The following DYDC2 variants were observed in gnomAD, a reference collection of about 807,000 sequenced individuals.
The protein encoded by DYDC2 is DPY30 domain containing 2, also known as DPY30 domain-containing protein 2.
A neutral mutation model predicts 18.7 loss-of-function variants in DYDC2; 19 were observed. The ratio of observed to expected loss-of-function variants is 1.02; its 90% CI spans 0.71 to 1.49. The LOEUF (loss-of-function observed/expected upper bound fraction) is 1.49. DYDC2 is among the 40% of genes most tolerant of loss of function. The probability of loss-of-function intolerance (pLI) is 0.00; values close to 1 mark genes in which losing one functional copy is unlikely to be tolerated. For synonymous variants in DYDC2, 63 were observed against 67.6 expected (o/e 0.93, Z 0.34); for missense variants, 179 against 205.1 (o/e 0.87, Z 0.78).
In DYDC2 at chr10:80,362,860, C is replaced by G. The variant is rs559441378; in HGVS notation, c.148-91C>G. The G allele has an allele frequency of 2.5e-5, 38 of 1,495,512 alleles. No homozygotes were observed. The South Asian group carries it at 4.8e-4, about 19-fold the overall frequency. The allele number at this position is 1,495,512 out of a possible 1,614,324, so 92.6% of individuals were successfully genotyped here. On this transcript the variant is annotated intron_variant, in intron 3 of 4. Transcript: ENST00000256039. The stretch of plus-strand genomic sequence containing the variant: ...GAGGAAACTCAACAGGCCCAAAGAG[C>G]CCACAGCCCATATCAGTCCCCAGTG...
At chr10:80,361,814 T>C (rs1201463433) in intron 2 of DYDC2, among the ~76,000 whole-genome samples, 1 of 152,228 alleles carries the variant, frequency 6.6e-6, no homozygotes, top group Admixed American at 6.5e-5. Context: ...TTTTAGAATT[T>C]TCTTACTTTC....
chr10:80,365,865 A>T (rs1404829092), intron 4 of DYDC2, among the ~76,000 whole-genome samples: 1 of 152,086 alleles, frequency 6.6e-6, no homozygotes, highest in Non-Finnish European at 1.5e-5. Flanking sequence ...CATTTATAGA[A>T]TTTCTATTTA....
chr10:80,353,617 C>G (rs567687199), upstream of DYDC2, among the ~76,000 whole-genome samples: 2 of 149,854 alleles, frequency 1.3e-5, no homozygotes, highest in East Asian at 4.1e-4. Context: ...TTTGGGAGGC[C>G]GAGGCGGGCG....
chr10:80,362,391 A>G (rs1242342248), intron 2 of DYDC2, 44 bp from the exon 3 acceptor site: 2 of 1,583,376 alleles, frequency 1.3e-6, no homozygotes, highest in African/African-American at 2.7e-5. Flanking sequence ...TTAATATCAG[A>G]TTAAGTTTGT....
At chr10:80,352,575 G>A, upstream of DYDC2, 1 of 1,610,856 alleles carries the variant, frequency 6.2e-7, no homozygotes, top group South Asian at 1.1e-5. Context: ...AGGCCCCAAG[G>A]TGCTTTTGAA....
intron 1 of DYDC2, among the ~76,000 whole-genome samples, chr10:80,350,041 CCTCT>C (rs1842892553): frequency 6.6e-6 from 1 of 152,022 alleles, no homozygotes; most frequent in Non-Finnish European, 1.5e-5. Context: ...CACCCAGAGG[CCTCT>C]CTGTTTTTCT....
upstream of DYDC2, among the ~76,000 whole-genome samples, chr10:80,355,404 A>T (rs1843305504): frequency 6.6e-6 from 1 of 152,028 alleles, no homozygotes; most frequent in Admixed American, 6.5e-5. Context: ...AAATGGTATA[A>T]CTCCTATGGA....
upstream of DYDC2, among the ~76,000 whole-genome samples, chr10:80,356,067 A>G (rs1183631506): frequency 1.3e-5 from 2 of 151,644 alleles, no homozygotes; most frequent in East Asian, 1.9e-4. Flanking sequence ...GAAGGGGACC[A>G]TTATCCCTAA....
At position 80,356,791 on chromosome 10, in the gene DYDC2, G is replaced by A. The variant is rs1383632667; in HGVS notation, c.-197G>A. 3.0e-6 allele frequency: 3 copies of A among 985,722 alleles called. No homozygotes were observed. The highest frequency in any genetic ancestry group is 1.7e-5 in the African/African-American group (1 of 57,372). The allele number at this position is 985,722 out of a possible 1,614,324, so 61.1% of individuals were successfully genotyped here. On this transcript the variant is annotated 5_prime_UTR_variant, in exon 1 of 5. Transcript: ENST00000256039. ...GAGAGCTCGCGCCTCAGGAGCCAGT[G>A]TAGGCGCCGCAAAGCGGAAGGGGCG...
chr10:80,353,839 A>G (rs1843165472), upstream of DYDC2, among the ~76,000 whole-genome samples: 2 of 152,072 alleles, frequency 1.3e-5, no homozygotes, highest in African/African-American at 4.8e-5. Context: ...AATAATGATA[A>G]TATCTCTTTT....
rs554820938 is a variant in DYDC2 at position 80,356,919 on chromosome 10, G to T, written c.-163+94G>T. The T allele has an allele frequency of 2.9e-4, 272 of 935,518 alleles. No individual in the cohort carries two copies. The Middle Eastern group carries it at 5.5e-3, about 19-fold the overall frequency. 58.0% of individuals were successfully genotyped at this position (935,518 alleles called of 1,614,324 possible). On this transcript the variant is annotated intron_variant, in intron 1 of 4. Coordinates refer to ENST00000256039, the MANE Select transcript of DYDC2 (RefSeq NM_032372.6). ...TAGGAGCAGGCGGCAGAGTAGAGGG[G>T]GCGCGGCAGAGTAGAGGGGGCGCGG...
At chr10:80,359,605 C>T (rs865905294) in intron 2 of DYDC2, among the ~76,000 whole-genome samples, 26 of 152,278 alleles carry the variant, frequency 1.7e-4, no homozygotes, top group Middle Eastern at 3.4e-3. Context: ...GGGGGAGGCT[C>T]GGGCATGGCG....
intron 2 of DYDC2, among the ~76,000 whole-genome samples, chr10:80,358,740 C>A (rs1461344396): frequency 6.6e-6 from 1 of 152,184 alleles, no homozygotes; most frequent in Admixed American, 6.5e-5. Context: ...TTCTGCATCT[C>A]AACAAGTCCC....
At chr10:80,353,617 C>T (rs567687199), upstream of DYDC2, among the ~76,000 whole-genome samples, 3 of 149,720 alleles carry the variant, frequency 2.0e-5, no homozygotes, top group Non-Finnish European at 3.0e-5. Context: ...TTTGGGAGGC[C>T]GAGGCGGGCG....
intron 2 of DYDC2, among the ~76,000 whole-genome samples, chr10:80,358,980 C>T (rs1843569793): frequency 6.6e-6 from 1 of 152,186 alleles, no homozygotes; most frequent in African/African-American, 2.4e-5. Context: ...AGTGCAGACC[C>T]AAACAATGAG....
intron 1 of DYDC2, among the ~76,000 whole-genome samples, chr10:80,349,966 C>A (rs761121525): frequency 6.6e-6 from 1 of 152,176 alleles, no homozygotes; most frequent in Non-Finnish European, 1.5e-5. Flanking sequence ...ATGAGGACAA[C>A]TGCTTTTGCA....
At chr10:80,349,710 AC>A in intron 1 of DYDC2, among the ~76,000 whole-genome samples, 1 of 152,356 alleles carries the variant, frequency 6.6e-6, no homozygotes, top group East Asian at 1.9e-4. Context: ...TTGTTAAATA[AC>A]AGTCAGATTG....
chr10:80,355,139 G>T (rs761876336), upstream of DYDC2, among the ~76,000 whole-genome samples: 17 of 151,528 alleles, frequency 1.1e-4, no homozygotes, highest in African/African-American at 1.7e-4. Flanking sequence ...GAAGAGAAGA[G>T]TCTTCTAGGT....
At chr10:80,350,557 AAGG>A (rs1842924010) in intron 1 of DYDC2, among the ~76,000 whole-genome samples, 1 of 152,168 alleles carries the variant, frequency 6.6e-6, no homozygotes, top group South Asian at 2.1e-4. Flanking sequence ...GAAGACTCAG[AAGG>A]AGTAGAGTTT....
Sources: gnomAD v4.1 joint callset for allele counts (sites outside exome capture counted in the v4.1 genomes callset) on GRCh38, gnomAD v4.1.1 for gene constraint, MANE v1.5 for transcripts, NCBI Gene and HGNC (gene_info 2026-07-23, HGNC 2026-07-21) for gene names.